SLC6A18: variants seen among roughly 807,000 people sequenced by gnomAD.
SLC6A18 encodes the protein solute carrier family 6 member 18.
Under a neutral mutation model 62.9 loss-of-function variants are expected in SLC6A18, and 58 were observed. The ratio of observed to expected loss-of-function variants is 0.92; its 90% CI spans 0.75 to 1.15. The LOEUF (loss-of-function observed/expected upper bound fraction) is 1.15, where lower values mean the gene tolerates loss of function less well. Among genes scored for constraint, SLC6A18 ranks in the 50% most tolerant of loss-of-function variants. The pLI is 0.00. For missense variants in SLC6A18, 793 were observed against 836.6 expected (o/e 0.95, Z 0.64); for synonymous variants, 382 against 365.8 (o/e 1.04, Z -0.51).
At chr5:1,239,312 C>T (rs1746986777) in intron 5 of SLC6A18, 138 bp from the exon 6 acceptor site, 2 of 646,882 alleles carry the variant, frequency 3.1e-6, no homozygotes, top group Non-Finnish European at 2.8e-6. Flanking sequence ...GTGGTCCTAC[C>T]CTGTTCCTGG....
At position 1,243,765 on chromosome 5, in the gene SLC6A18, C is replaced by T. The variant is rs754802241; in HGVS notation, c.1336+6C>T. The T allele has an allele frequency of 1.2e-5, 19 of 1,589,294 alleles. No homozygotes were observed. Among genetic ancestry groups the T allele is most frequent in the Admixed American group, 6.8e-5 (4 of 58,734 alleles). Reference sequence around the variant, plus strand: ...CCCCAAGGAGGCCCTGACTGGTGAGCGCACAGCTCCGCCGCCCTGGAGGAC... The same window carrying T: ...CCCCAAGGAGGCCCTGACTGGTGAGTGCACAGCTCCGCCGCCCTGGAGGAC... On this transcript the variant is annotated splice_donor_region_variant and intron_variant, in intron 9 of 11. Transcript: ENST00000324642. The surrounding 1 kb of genome is among the most constrained non-coding windows in gnomAD (Gnocchi z 6.5).
chr5:1,234,036 C>G (rs973400593), intron 3 of SLC6A18, among the ~76,000 whole-genome samples: 5 of 152,140 alleles, frequency 3.3e-5, no homozygotes, highest in Non-Finnish European at 5.9e-5. Context: ...CCACCGCGCC[C>G]GGCCAGCACC....
At chr5:1,237,240 C>CAAAAAAAAAAAAAAAA (rs61528804) in intron 4 of SLC6A18, among the ~76,000 whole-genome samples, 6 of 76,468 alleles carry the variant, frequency 7.8e-5, no homozygotes, top group African/African-American at 3.2e-4. Flanking sequence ...GACTCTGTCT[C>CAAAAAAAAAAAAAAAA]AAAAAAAAAA....
chr5:1,239,653 G>A, intron 6 of SLC6A18, 91 bp downstream of exon 6: 1 of 1,043,626 alleles, frequency 9.6e-7, no homozygotes, highest in South Asian at 1.4e-5. Context: ...TGGATCCAAG[G>A]GTGGCCTTGT....
At chr5:1,231,233 G>T (rs1219517214) in intron 1 of SLC6A18, among the ~76,000 whole-genome samples, 1 of 152,196 alleles carries the variant, frequency 6.6e-6, no homozygotes, top group African/African-American at 2.4e-5. Context: ...CAGGCAGAAG[G>T]CACGGCCATT....
chr5:1,229,866 G>A (rs13188239), intron 1 of SLC6A18, among the ~76,000 whole-genome samples: 1,686 of 151,562 alleles, frequency 0.011, 13 homozygotes, highest in Non-Finnish European at 0.018. Context: ...GGAGATGGGG[G>A]AGGGGAGAGG....
intron 4 of SLC6A18, 41 bp from the exon 5 acceptor site, chr5:1,237,909 G>A: frequency 6.6e-7 from 1 of 1,505,074 alleles, no homozygotes; most frequent in Non-Finnish European, 9.3e-7. Flanking sequence ...GGACAGACCA[G>A]AGGCCATTTC....
Position 1,243,016 on chromosome 5 carries a change from A to G in SLC6A18, c.1131+153A>G, listed in dbSNP as rs982956222. 2.0e-5 allele frequency among the ~76,000 whole-genome samples: 3 copies of G among 152,180 alleles called. No homozygotes were observed. Among genetic ancestry groups the G allele is most frequent in the African/African-American group, 7.2e-5 (3 of 41,442 alleles). ...AAGAACCCCAGTCTATCTTTGTCTC[A>G]GGTTGCCAGGCCTCCTGGAAAGCCC... On this transcript the variant is annotated intron_variant, in intron 8 of 11. Transcript: ENST00000324642. The surrounding 1 kb of genome is among the most constrained non-coding windows in gnomAD (Gnocchi z 6.5).
Position 1,236,966 on chromosome 5 carries a change from G to A in SLC6A18, c.622-984G>A, listed in dbSNP as rs766973978. ...AATGCATCCCAAGCTGGGCACAGTG[G>A]CTCATGCCTGTAATCCCAGCACTTT... On this transcript the variant is annotated intron_variant, in intron 4 of 11. Transcript: ENST00000324642. Among the ~76,000 whole-genome samples, 23 of 152,100 alleles carry A rather than the reference G, an allele frequency of 1.5e-4. 1 individual carries two copies. The Middle Eastern group carries it at 0.01, about 67-fold the overall frequency.
rs778159448 is a variant in SLC6A18 at position 1,225,520 on chromosome 5, G to A, written c.43G>A (p.Gly15Arg). The A allele has an allele frequency of 2.9e-5, 47 of 1,613,276 alleles. No individual in the cohort carries two copies. The highest frequency in any genetic ancestry group is 4.4e-5 in the South Asian group (4 of 91,070). ...PEPDPAACDLGDERPKWDNKA... is the reference protein window; with the variant it reads ...PEPDPAACDLRDERPKWDNKA... ...ACCGGACCCGGCCGCCTGCGACCTC[G>A]GGGATGAGAGGCCCAAGTGGGACAA... The change falls in exon 1 of 12, where the codon GGG (glycine) becomes AGG (arginine). Residue 15 changes from glycine (G) to arginine (R), a missense_variant. By Grantham distance (125) the Gly-to-Arg change is moderately radical. Coordinates refer to ENST00000324642, the MANE Select transcript of SLC6A18 (RefSeq NM_182632.3).
intron 3 of SLC6A18, among the ~76,000 whole-genome samples, chr5:1,233,871 A>C (rs945686775): frequency 5.3e-5 from 8 of 151,810 alleles, no homozygotes; most frequent in Middle Eastern, 3.4e-3. Flanking sequence ...CCTCCCAAAT[A>C]GCTAGGACTA....
chr5:1,231,270 T>C (rs1025520040), intron 1 of SLC6A18, among the ~76,000 whole-genome samples: 3 of 152,118 alleles, frequency 2.0e-5, no homozygotes, highest in Non-Finnish European at 4.4e-5. Context: ...TTCCACTAGC[T>C]CCAGGAAGTG....
chr5:1,242,354 A>G (rs1747085006), intron 7 of SLC6A18, among the ~76,000 whole-genome samples: 1 of 151,866 alleles, frequency 6.6e-6, no homozygotes. Context: ...CAACAGGGGC[A>G]GGAGGCGTCC....
Position 1,225,531 on chromosome 5 carries a change from GCCCAAGTGGGA to G in SLC6A18, c.56_66del (p.Pro19GlnfsTer153), listed in dbSNP as rs1561172498. 12 of 1,613,514 alleles carry G rather than the reference GCCCAAGTGGGA, an allele frequency of 7.4e-6. No individual in the cohort carries two copies. The highest frequency in any genetic ancestry group is 9.3e-6 in the Non-Finnish European group (11 of 1,179,548). On this transcript the variant is annotated frameshift_variant, in exon 1 of 12. Transcript: ENST00000324642. LOFTEE classifies it high-confidence loss of function. ...CCGCCTGCGACCTCGGGGATGAGAG[GCCCAAGTGGGA>G]CAACAAGGCCCAGTACCTCCTGAGC...
In SLC6A18 at chr5:1,227,465, G is replaced by A. The variant is rs553688331; in HGVS notation, c.160+1828G>A. On this transcript the variant is annotated intron_variant, in intron 1 of 11. Transcript: ENST00000324642. ...TTAACTCACACACTTCCTAAGGGCC[G>A]TGCCATCAGCATTCTCACCCTGTGT... Among the ~76,000 whole-genome samples, 8 of 152,372 alleles carry A rather than the reference G, an allele frequency of 5.3e-5. No homozygotes were observed. In the South Asian group the frequency reaches 1.0e-3, roughly 20 times the overall value.
At chr5:1,237,003 G>A (rs1746899492) in intron 4 of SLC6A18, among the ~76,000 whole-genome samples, 1 of 151,898 alleles carries the variant, frequency 6.6e-6, no homozygotes. Flanking sequence ...GGAGGCTAAG[G>A]TAGGTGGATC....
chr5:1,238,167 C>A, intron 5 of SLC6A18, 107 bp downstream of exon 5: 1 of 890,054 alleles, frequency 1.1e-6, no homozygotes, highest in Non-Finnish European at 1.8e-6. Context: ...AGGAGCCACT[C>A]CAGCAGCTGG....
intron 5 of SLC6A18, 28 bp from the exon 6 acceptor site, chr5:1,239,418 CTGAG>C (rs1746992442): frequency 6.5e-7 from 1 of 1,541,494 alleles, no homozygotes; most frequent in Non-Finnish European, 9.0e-7. Flanking sequence ...GGTTTGCCTG[CTGAG>C]TGAGACGCTC....
intron 11 of SLC6A18, among the ~76,000 whole-genome samples, chr5:1,245,237 C>T (rs916264497): frequency 1.3e-5 from 2 of 152,180 alleles, no homozygotes; most frequent in East Asian, 1.9e-4. Flanking sequence ...CGTTTCCACA[C>T]AAAAGCCTCC....
Sources: gnomAD v4.1 joint callset for allele counts (sites outside exome capture counted in the v4.1 genomes callset) on GRCh38, gnomAD v4.1.1 for gene constraint, Gnocchi (gnomAD v3.1) non-coding constraint, MANE v1.5 for transcripts, NCBI Gene and HGNC (gene_info 2026-07-23, HGNC 2026-07-21) for gene names.